ADAMTS3: variants seen among roughly 807,000 people sequenced by gnomAD.
ADAMTS3 encodes the protein A disintegrin and metalloproteinase with thrombospondin motifs 3.
ADAMTS3 carries 73 observed loss-of-function variants against 129.0 expected under a neutral mutation model. That is an observed-to-expected ratio of 0.57 (90% CI 0.47 to 0.69). ADAMTS3 has a LOEUF of 0.69. ADAMTS3 is among the 30% of genes least tolerant of loss of function. The pLI, the probability that ADAMTS3 is intolerant of heterozygous loss-of-function variation, is 0.00. For missense variants in ADAMTS3, 1,457 were observed against 1,514.5 expected (o/e 0.96, Z 0.63); for synonymous variants, 477 against 510.8 (o/e 0.93, Z 0.89).
chr4:72,487,009 C>A (rs1217726123), intron 3 of ADAMTS3, among the ~76,000 whole-genome samples: 2 of 152,112 alleles, frequency 1.3e-5, no homozygotes, highest in African/African-American at 4.8e-5. Flanking sequence ...GGATGATCAC[C>A]TCTCCAGTCA....
intron 3 of ADAMTS3, among the ~76,000 whole-genome samples, chr4:72,459,551 A>C (rs977500772): frequency 1.3e-5 from 2 of 151,578 alleles, no homozygotes; most frequent in Non-Finnish European, 3.0e-5. Flanking sequence ...CCAAAGCTTC[A>C]GTTCCACCAT....
At chr4:72,359,713 C>A (rs1359054681) in intron 4 of ADAMTS3, among the ~76,000 whole-genome samples, 1 of 151,962 alleles carries the variant, frequency 6.6e-6, no homozygotes, top group Non-Finnish European at 1.5e-5. Context: ...TCCTATCTAT[C>A]AAGTACTTAA....
At chr4:72,340,050 T>A (rs1720095748) in intron 4 of ADAMTS3, among the ~76,000 whole-genome samples, 1 of 152,128 alleles carries the variant, frequency 6.6e-6, no homozygotes, top group Non-Finnish European at 1.5e-5. Context: ...TTAAATAAAT[T>A]GAGATTACAA....
intron 4 of ADAMTS3, among the ~76,000 whole-genome samples, chr4:72,386,622 G>A (rs1721456065): frequency 6.6e-6 from 1 of 152,144 alleles, no homozygotes; most frequent in African/African-American, 2.4e-5. Context: ...CAACACTGAT[G>A]AGTCTCAGGG....
At chr4:72,363,872 T>A (rs555658654) in intron 4 of ADAMTS3, among the ~76,000 whole-genome samples, 2 of 152,020 alleles carry the variant, frequency 1.3e-5, no homozygotes, top group East Asian at 3.9e-4. Context: ...GTAGCAAGAA[T>A]TAATTCAGTG....
chr4:72,502,783 A>C (rs891074348), intron 3 of ADAMTS3, among the ~76,000 whole-genome samples: 11 of 152,070 alleles, frequency 7.2e-5, no homozygotes, highest in Non-Finnish European at 1.6e-4. Flanking sequence ...GTTTTGTTAC[A>C]TAGGTATACA....
chr4:72,478,797 T>C (rs1485405491), intron 3 of ADAMTS3, among the ~76,000 whole-genome samples: 5 of 152,134 alleles, frequency 3.3e-5, no homozygotes, highest in South Asian at 2.1e-4. Flanking sequence ...GAAAACCCCA[T>C]TGTCTCAGCC....
At chr4:72,316,522 C>A (rs148402745) in intron 10 of ADAMTS3, among the ~76,000 whole-genome samples, 1 of 151,916 alleles carries the variant, frequency 6.6e-6, no homozygotes. Context: ...CCTGTCTCTA[C>A]TAAAAACACA....
chr4:72,565,079 A>C (rs2109810055), intron 2 of ADAMTS3, among the ~76,000 whole-genome samples: 1 of 152,296 alleles, frequency 6.6e-6, no homozygotes, highest in Middle Eastern at 3.4e-3. Context: ...AAATCAGCAA[A>C]GTACACTTAT....
intron 5 of ADAMTS3, among the ~76,000 whole-genome samples, chr4:72,328,330 CA>C (rs918043465): frequency 6.6e-6 from 1 of 152,132 alleles, no homozygotes; most frequent in Non-Finnish European, 1.5e-5. Flanking sequence ...AAATTCCTTC[CA>C]GGTTTGTTCC....
chr4:72,405,176 T>G (rs1289282947), intron 4 of ADAMTS3, among the ~76,000 whole-genome samples: 1 of 152,062 alleles, frequency 6.6e-6, no homozygotes, highest in Non-Finnish European at 1.5e-5. Flanking sequence ...ATGATCCAGA[T>G]ATCTCACTTC....
At chr4:72,468,019 A>T (rs1010393830) in intron 3 of ADAMTS3, among the ~76,000 whole-genome samples, 1 of 152,104 alleles carries the variant, frequency 6.6e-6, no homozygotes, top group African/African-American at 2.4e-5. Context: ...ATTTTGTTCC[A>T]GCAGCCACAC....
intron 3 of ADAMTS3, among the ~76,000 whole-genome samples, chr4:72,468,445 GTTC>G (rs1166367648): frequency 6.6e-6 from 1 of 151,854 alleles, no homozygotes; most frequent in East Asian, 1.9e-4. Flanking sequence ...TCACAGTTTT[GTTC>G]TTCTTAAAAA....
At position 72,538,811 on chromosome 4, in the gene ADAMTS3, TA is replaced by T. The variant is rs200927327; in HGVS notation, c.504+9666del. On this transcript the variant is annotated intron_variant, in intron 3 of 21. Coordinates refer to ENST00000286657, the MANE Select transcript of ADAMTS3 (RefSeq NM_014243.3). ...AAATAAAGTTATATTAGCCTAAAGATAAACATATGCAGCAGTGGAATAGAAT... is the reference window on the plus strand; with the variant it reads ...AAATAAAGTTATATTAGCCTAAAGATAACATATGCAGCAGTGGAATAGAAT... Among the ~76,000 whole-genome samples, 555 of 152,188 alleles carry T rather than the reference TA, an allele frequency of 3.6e-3. 15 individuals carry two copies. Among genetic ancestry groups the T allele is most frequent in the Admixed American group, 0.031 (469 of 15,290 alleles).
rs1198448892 is a variant in ADAMTS3, at chr4:72,548,844, A to G, written c.138T>C (p.Thr46=). 6.2e-7 allele frequency: 1 copy of G among 1,613,560 alleles called. No individual in the cohort carries two copies. Among genetic ancestry groups the G allele is most frequent in the Non-Finnish European group, 8.5e-7 (1 of 1,179,772 alleles). ...GTCCTTCTAGATTTGTGCTGACTGG[A>G]GTCACCAGCTCATACTCTCTATATC... is the stretch of plus-strand genomic sequence containing the variant. ...IKRYREYELV[T]PVSTNLEGRY... Residue 46 remains threonine (T), a synonymous_variant, in exon 3 of 22, where the codon ACT becomes ACC. Coordinates refer to ENST00000286657, the MANE Select transcript of ADAMTS3 (RefSeq NM_014243.3).
At chr4:72,475,027 A>C (rs1240343519) in intron 3 of ADAMTS3, among the ~76,000 whole-genome samples, 43 of 150,346 alleles carry the variant, frequency 2.9e-4, no homozygotes, top group Non-Finnish European at 2.5e-4. Flanking sequence ...ACTCCGTCTA[A>C]AAAAAAAAAA....
At position 72,381,987 on chromosome 4, in the gene ADAMTS3, C is replaced by T. The variant is rs549839312; in HGVS notation, c.661+32828G>A. Among the ~76,000 whole-genome samples the T allele has an allele frequency of 2.5e-4, 38 of 152,244 alleles. 1 individual carries two copies. The South Asian group carries it at 3.1e-3, about 12-fold the overall frequency. ...CCTGCAGAAGAGGTTCTCAATTACA[C>T]GGACAGAATAACTCCTTCTGCACAT... On this transcript the variant is annotated intron_variant, in intron 4 of 21. Transcript: ENST00000286657.
chr4:72,511,598 C>T (rs1337260677), intron 3 of ADAMTS3, among the ~76,000 whole-genome samples: 3 of 151,876 alleles, frequency 2.0e-5, no homozygotes, highest in Non-Finnish European at 4.4e-5. Context: ...TGACTTATAC[C>T]CAAATGGCAG....
At chr4:72,473,332 T>C (rs551474938) in intron 3 of ADAMTS3, among the ~76,000 whole-genome samples, 7 of 152,018 alleles carry the variant, frequency 4.6e-5, no homozygotes, top group Non-Finnish European at 1.0e-4. Flanking sequence ...GGTTTTCTTT[T>C]TGCTTCTTTT....
Sources: gnomAD v4.1 joint callset for allele counts (sites outside exome capture counted in the v4.1 genomes callset) on GRCh38, gnomAD v4.1.1 for gene constraint, MANE v1.5 for transcripts, NCBI Gene and HGNC (gene_info 2026-07-23, HGNC 2026-07-21) for gene names.